USP14: variants seen among roughly 807,000 people sequenced by gnomAD.
USP14 encodes the protein ubiquitin specific peptidase 14.
A neutral mutation model predicts 76.5 loss-of-function variants in USP14; 38 were observed. The ratio of observed to expected loss-of-function variants is 0.50; its 90% CI spans 0.38 to 0.65. The LOEUF is 0.65. Among genes scored for constraint, USP14 ranks in the 30% least tolerant of loss-of-function variants. The probability of loss-of-function intolerance (pLI) is 0.00; values close to 1 mark genes in which losing one functional copy is unlikely to be tolerated. For synonymous variants in USP14, 192 were observed against 191.7 expected (o/e 1.00, Z -0.01); for missense variants, 467 against 586.5 (o/e 0.80, Z 2.10).
At position 171,227 on chromosome 18, in the gene USP14, G is replaced by A. The variant is rs117692694; in HGVS notation, c.195+4408G>A. On this transcript the variant is annotated intron_variant, in intron 3 of 15. Coordinates refer to ENST00000261601, the MANE Select transcript of USP14 (RefSeq NM_005151.4). Reference sequence around the variant, plus strand: ...AGCTACACTATACAACAGATTTTCAGTGTGGATGAAGCAGCCTGATATTGG... The same window carrying A: ...AGCTACACTATACAACAGATTTTCAATGTGGATGAAGCAGCCTGATATTGG... Among the ~76,000 whole-genome samples, 153 of 151,928 alleles carry A rather than the reference G, an allele frequency of 1.0e-3. No individual in the cohort carries two copies. The East Asian group carries it at 0.022, about 22-fold the overall frequency.
chr18:191,132 T>C (rs1910073681), intron 5 of USP14, among the ~76,000 whole-genome samples: 1 of 152,166 alleles, frequency 6.6e-6, no homozygotes, highest in East Asian at 1.9e-4. Flanking sequence ...ATATTAGTAC[T>C]TAATTTTAAT....
chr18:189,345 C>T (rs1313546967), intron 5 of USP14, among the ~76,000 whole-genome samples: 1 of 152,094 alleles, frequency 6.6e-6, no homozygotes, highest in Non-Finnish European at 1.5e-5. Flanking sequence ...GGATTGTTTA[C>T]TTACCCTTGT....
At chr18:173,304 G>A (rs183758244) in intron 3 of USP14, among the ~76,000 whole-genome samples, 1 of 151,558 alleles carries the variant, frequency 6.6e-6, no homozygotes, top group Non-Finnish European at 1.5e-5. Flanking sequence ...GTAGAGACGG[G>A]GTTTCACCAT....
At chr18:191,446 A>G (rs1359091196) in intron 5 of USP14, among the ~76,000 whole-genome samples, 1 of 152,216 alleles carries the variant, frequency 6.6e-6, no homozygotes, top group Non-Finnish European at 1.5e-5. Context: ...ATCTAGTGAA[A>G]TGCATATATC....
intron 5 of USP14, among the ~76,000 whole-genome samples, chr18:187,603 G>C (rs1909965130): frequency 6.6e-6 from 1 of 152,112 alleles, no homozygotes; most frequent in African/African-American, 2.4e-5. Context: ...CTTTCAGTAA[G>C]ATGGATTTTT....
At chr18:197,576 A>G (rs1217983735) in intron 7 of USP14, 40 bp from the exon 8 acceptor site, 16 of 1,507,026 alleles carry the variant, frequency 1.1e-5, no homozygotes, top group African/African-American at 1.4e-5. Context: ...TAGATCATTC[A>G]CTGCCAGGAT....
intron 5 of USP14, among the ~76,000 whole-genome samples, chr18:189,021 T>C (rs1280745100): frequency 6.6e-6 from 1 of 152,178 alleles, no homozygotes; most frequent in East Asian, 1.9e-4. Flanking sequence ...TAAAGTCAGT[T>C]TTGGTAATTT....
chr18:211,619 A>G lies in USP14; in HGVS notation c.*335A>G, dbSNP rs1910671785. On this transcript the variant is annotated 3_prime_UTR_variant, in exon 16 of 16. Transcript: ENST00000261601. ...TTTCTTGCTGCCTTTTTCACCCAAG[A>G]TTCAGCAGTCAGATGTTTACTGCAC... The G allele has an allele frequency of 1.1e-5, 2 of 184,328 alleles. No individual in the cohort carries two copies. Among genetic ancestry groups the G allele is most frequent in the Non-Finnish European group, 2.2e-5 (2 of 89,190 alleles). The allele number at this position is 184,328 out of a possible 1,614,324, so 11.4% of individuals were successfully genotyped here. A position where few individuals can be genotyped will look rare whatever the true frequency, so the allele number is the denominator to read the frequency against.
At chr18:196,923 T>C (rs918081193) in intron 7 of USP14, among the ~76,000 whole-genome samples, 156 bp downstream of exon 7, 1 of 86,414 alleles carries the variant, frequency 1.2e-5, no homozygotes, top group African/African-American at 4.1e-5. Context: ...TAGTCTTAAC[T>C]GATATCTGGC....
At chr18:173,265 A>T (rs187496577) in intron 3 of USP14, among the ~76,000 whole-genome samples, 5 of 150,916 alleles carry the variant, frequency 3.3e-5, no homozygotes, top group African/African-American at 9.7e-5. Flanking sequence ...CTGCCACCAC[A>T]CCCGGCTATT....
At chr18:189,223 A>G (rs149092072) in intron 5 of USP14, among the ~76,000 whole-genome samples, 3 of 151,926 alleles carry the variant, frequency 2.0e-5, no homozygotes, top group African/African-American at 7.2e-5. Context: ...TGTTCATTCA[A>G]TTTTTTGAGT....
intron 15 of USP14, 105 bp from the exon 16 acceptor site, chr18:211,028 A>G (rs1910655234): frequency 1.7e-6 from 2 of 1,187,958 alleles, no homozygotes; most frequent in Admixed American, 2.2e-5. Context: ...TGGTGTGGCC[A>G]GTGGAGCACT....
intron 5 of USP14, among the ~76,000 whole-genome samples, chr18:189,702 C>A (rs1169690996): frequency 6.6e-6 from 1 of 152,102 alleles, no homozygotes; most frequent in Non-Finnish European, 1.5e-5. Context: ...AGGATGGTCT[C>A]GATCTCTTGA....
intron 6 of USP14, among the ~76,000 whole-genome samples, chr18:194,666 C>A (rs759757238): frequency 6.6e-6 from 1 of 152,278 alleles, no homozygotes; most frequent in South Asian, 2.1e-4. Context: ...TGCGGTGGCT[C>A]ATGCTTGTAA....
intron 5 of USP14, among the ~76,000 whole-genome samples, chr18:185,538 C>T (rs1157243723): frequency 6.6e-6 from 1 of 152,080 alleles, no homozygotes; most frequent in African/African-American, 2.4e-5. Flanking sequence ...AACTGAGACA[C>T]TCGGAGAGAA....
Position 192,863 on chromosome 18 carries a change from T to G in USP14, c.426T>G (p.Ala142=). Residue 142 remains alanine, a synonymous_variant, in exon 6 of 16, where the codon GCT becomes GCG. Transcript: ENST00000261601. ...ALKRYAGALR[A]SGEMASAQYI... ...CTAGGTATGCAGGTGCCTTGAGAGC[T>G]TCAGGGGAAATGGCTTCAGCGCAGT... The G allele has an allele frequency of 6.2e-7, 1 of 1,613,892 alleles. No homozygotes were observed. The highest frequency in any genetic ancestry group is 1.1e-5 in the South Asian group (1 of 91,044).
At chr18:176,311 G>A (rs1476671433) in intron 3 of USP14, among the ~76,000 whole-genome samples, 5 of 152,038 alleles carry the variant, frequency 3.3e-5, no homozygotes, top group African/African-American at 1.2e-4. Flanking sequence ...CCAGGCAAAT[G>A]GTGGTGACTT....
intron 13 of USP14, among the ~76,000 whole-genome samples, chr18:207,437 G>T (rs1336686560): frequency 6.9e-6 from 1 of 144,796 alleles, no homozygotes; most frequent in African/African-American, 2.5e-5. Context: ...TCAGCACTTT[G>T]GGAGGCCAAG....
chr18:206,681 C>T (rs1598280282), intron 13 of USP14, among the ~76,000 whole-genome samples: 1 of 152,170 alleles, frequency 6.6e-6, no homozygotes, highest in Non-Finnish European at 1.5e-5. Flanking sequence ...AGGCAGATCA[C>T]TTGAGGTCAG....
Sources: allele counts gnomAD v4.1 joint callset (sites outside exome capture counted in the v4.1 genomes callset), GRCh38; gene constraint gnomAD v4.1.1; transcripts MANE v1.5; gene names NCBI Gene and HGNC (gene_info 2026-07-23, HGNC 2026-07-21).